Variants in NCOR2 observed in about 807,000 individuals in gnomAD.
NCOR2 encodes CTG repeat protein 26.
In NCOR2, 81 loss-of-function variants were observed where a neutral mutation model predicts 262.9. That is an observed-to-expected ratio of 0.31 (90% CI 0.26 to 0.37). The LOEUF (loss-of-function observed/expected upper bound fraction) is 0.37. NCOR2 is among the 10% of genes least tolerant of loss of function. The pLI is 1.00. For missense variants in NCOR2, 3,385 were observed against 3,621.4 expected, an observed-to-expected ratio of 0.93 and a Z score of 1.68; for synonymous variants, 1,659 against 1,559.3, an observed-to-expected ratio of 1.06 and a Z score of -1.51.
At chr12:124,350,424 G>A (rs567090371) in intron 28 of NCOR2, among the ~76,000 whole-genome samples, 163 bp downstream of exon 30, 3 of 152,306 alleles carry the variant, frequency 2.0e-5, no homozygotes, top group African/African-American at 7.2e-5. Flanking sequence ...TAAGGCCAAC[G>A]CTTCCCTGCT....
intron 1 of NCOR2, among the ~76,000 whole-genome samples, chr12:124,550,365 C>G (rs1046016318): frequency 2.0e-5 from 3 of 152,166 alleles, no homozygotes; most frequent in Non-Finnish European, 4.4e-5. Context: ...AACCCAGGTC[C>G]CACTGACTCA....
intron 1 of NCOR2, among the ~76,000 whole-genome samples, chr12:124,529,304 T>A (rs1467722242): frequency 8.4e-5 from 11 of 130,308 alleles, no homozygotes; most frequent in African/African-American, 3.1e-4. Flanking sequence ...CCGTCTCTAC[T>A]AAAAAAAAAA....
At chr12:124,331,063 C>CTTT (rs747884076) in intron 43 of NCOR2, among the ~76,000 whole-genome samples, 165 bp from the exon 46 acceptor site, 57 of 135,700 alleles carry the variant, frequency 4.2e-4, no homozygotes, top group East Asian at 1.9e-3. Context: ...GTCTGCATTT[C>CTTT]TTTTTTTTTT....
At chr12:124,506,949 C>T (rs966656354) in intron 1 of NCOR2, among the ~76,000 whole-genome samples, 3 of 152,126 alleles carry the variant, frequency 2.0e-5, no homozygotes, top group East Asian at 1.9e-4. Flanking sequence ...CCTGGAGAGG[C>T]GGTGGGACCT....
In NCOR2 at chr12:124,446,565, G is replaced by C. The variant is rs576832853; in HGVS notation, c.815+3250C>G. On this transcript the variant is annotated intron_variant, in intron 7 of 46. Coordinates refer to ENST00000405201, the Ensembl canonical transcript of NCOR2. ...TTCCACCTGTCTGGGACACTCCCCA[G>C]AGGTCCACACAGCCAGCTGCTGCTC... Among the ~76,000 whole-genome samples the C allele has an allele frequency of 7.2e-5, 11 of 152,156 alleles. No homozygotes were observed. In the East Asian group the frequency reaches 2.1e-3, roughly 29 times the overall value.
chr12:124,404,239 A>G (rs1239880584), intron 13 of NCOR2, among the ~76,000 whole-genome samples: 1 of 152,026 alleles, frequency 6.6e-6, no homozygotes, highest in Non-Finnish European at 1.5e-5. Context: ...GGCTGGGGAG[A>G]GAGCCTTGGC....
chr12:124,458,628 G>A (rs953873693), intron 5 of NCOR2, among the ~76,000 whole-genome samples: 21 of 152,242 alleles, frequency 1.4e-4, no homozygotes, highest in African/African-American at 4.6e-4. Flanking sequence ...TGTCAATTGC[G>A]CATAAGCGCC....
At chr12:124,338,848 T>C (rs933411690) in intron 37 of NCOR2, among the ~76,000 whole-genome samples, 3 of 151,758 alleles carry the variant, frequency 2.0e-5, no homozygotes, top group African/African-American at 7.3e-5. Flanking sequence ...CATCCACTCA[T>C]CCCCACAATT....
chr12:124,565,046 G>C (rs2052190856), intron 1 of NCOR2, among the ~76,000 whole-genome samples: 1 of 152,126 alleles, frequency 6.6e-6, no homozygotes, highest in Non-Finnish European at 1.5e-5. Flanking sequence ...AAAAAGAACA[G>C]ATTATGCCAA....
At chr12:124,379,032 C>A (rs7953314) in intron 17 of NCOR2, among the ~76,000 whole-genome samples, 11 of 151,592 alleles carry the variant, frequency 7.3e-5, no homozygotes, top group African/African-American at 1.7e-4. Context: ...ACAAGGAGCA[C>A]AAGGCAGGGG....
chr12:124,530,320 T>G (rs2050713641), intron 1 of NCOR2: 1 of 151,314 alleles, frequency 6.6e-6, no homozygotes, highest in African/African-American at 2.4e-5. Flanking sequence ...AGAGATTTAG[T>G]GCCAAGGGAC....
chr12:124,355,279 G>A (rs1488049591), intron 24 of NCOR2, 153 bp downstream of exon 26: 1 of 922,692 alleles, frequency 1.1e-6, no homozygotes, highest in African/African-American at 1.7e-5. Context: ...GAGTGCCTGG[G>A]GCAGGACCCA....
intron 1 of NCOR2, chr12:124,529,810 A>G (rs895276483): frequency 6.6e-6 from 1 of 152,274 alleles, no homozygotes; most frequent in Non-Finnish European, 1.5e-5. Context: ...AAAGATTGAC[A>G]GTAGCAAGTG....
chr12:124,534,771 G>C (rs944652412), intron 1 of NCOR2, among the ~76,000 whole-genome samples: 4 of 152,200 alleles, frequency 2.6e-5, no homozygotes, highest in African/African-American at 9.7e-5. Context: ...CCAGCTGAAA[G>C]ATCTGGGACA....
intron 1 of NCOR2, among the ~76,000 whole-genome samples, chr12:124,488,693 A>G (rs1833373853): frequency 6.6e-6 from 1 of 152,222 alleles, no homozygotes; most frequent in Non-Finnish European, 1.5e-5. Flanking sequence ...ACCTTGCCAC[A>G]CACACAGAGG....
At chr12:124,430,737 C>T (rs1422400286) in exon 9 of NCOR2, 2 of 1,614,050 alleles carry the variant, frequency 1.2e-6, no homozygotes, top group African/African-American at 2.7e-5. Flanking sequence ...GCTCCACCTT[C>T]TTCTCCCAGG....
rs1411347826 is a variant in NCOR2, at chr12:124,401,144, G to A, written c.1641-471C>T. 6.6e-5 allele frequency among the ~76,000 whole-genome samples: 10 copies of A among 151,698 alleles called. No homozygotes were observed. The East Asian group carries it at 1.7e-3, about 26-fold the overall frequency. On this transcript the variant is annotated intron_variant, in intron 14 of 46. Coordinates refer to ENST00000405201, the Ensembl canonical transcript of NCOR2. ...GGGGATCTCTTGAGCCTGGGAGGTC[G>A]AGGCTGCAGTGAGCCATGATTATAC...
intron 17 of NCOR2, among the ~76,000 whole-genome samples, chr12:124,382,865 A>G (rs922843420): frequency 2.0e-4 from 30 of 152,238 alleles, no homozygotes; most frequent in Non-Finnish European, 2.9e-5. Flanking sequence ...CAACAGCCCT[A>G]CGACTGGGTC....
At chr12:124,329,362 G>T (rs1424988927) in intron 44 of NCOR2, among the ~76,000 whole-genome samples, 1 of 152,130 alleles carries the variant, frequency 6.6e-6, no homozygotes, top group Non-Finnish European at 1.5e-5. Context: ...TTGGGAGGCT[G>T]AGGTGGAAGA....
Sources: gnomAD v4.1 joint callset for allele counts (sites outside exome capture counted in the v4.1 genomes callset) on GRCh38, gnomAD v4.1.1 for gene constraint, MANE v1.5 for transcripts, NCBI Gene and HGNC (gene_info 2026-07-23, HGNC 2026-07-21) for gene names.